The following DDR2 variants were observed in gnomAD, a reference collection of about 807,000 sequenced individuals.
DDR2 encodes discoidin domain receptor tyrosine kinase 2.
A neutral mutation model predicts 94.9 loss-of-function variants in DDR2; 27 were observed. That is an observed-to-expected ratio of 0.28 (90% CI 0.21 to 0.39). The LOEUF (loss-of-function observed/expected upper bound fraction) is 0.39, where lower values mean the gene tolerates loss of function less well. DDR2 is among the 10% of genes least tolerant of loss of function. The pLI is 1.00. For missense variants in DDR2, 783 were observed against 1,076.0 expected (o/e 0.73, Z 3.81); for synonymous variants, 382 against 377.2 (o/e 1.01, Z -0.15).
At chr1:162,642,530 T>C (rs1267337484) in intron 1 of DDR2, among the ~76,000 whole-genome samples, 1 of 151,452 alleles carries the variant, frequency 6.6e-6, no homozygotes, top group Non-Finnish European at 1.5e-5. Context: ...CCTCAGGTGA[T>C]CTACCCGCCT....
chr1:162,744,304 C>G (rs1054109548), intron 3 of DDR2, among the ~76,000 whole-genome samples: 2 of 152,148 alleles, frequency 1.3e-5, no homozygotes, highest in Non-Finnish European at 2.9e-5. Flanking sequence ...ATATGAATTC[C>G]TCATTTCCCT....
rs1163144709 is a variant in DDR2, at chr1:162,754,491, G to A, written c.186-133G>A. ...TACTGTGGTGGCAGTGAAAACTGTG[G>A]CAAGAACCCAAAATGTTTATAAGGA... On this transcript the variant is annotated intron_variant, in intron 4 of 17. Transcript: ENST00000367921. 3.4e-6 allele frequency: 3 copies of A among 870,560 alleles called. No homozygotes were observed. The African/African-American group carries it at 5.0e-5, about 14-fold the overall frequency. 53.9% of individuals were successfully genotyped at this position (870,560 alleles called of 1,614,324 possible).
chr1:162,724,018 G>A (rs893979244), intron 3 of DDR2, among the ~76,000 whole-genome samples: 7 of 152,190 alleles, frequency 4.6e-5, no homozygotes, highest in Admixed American at 4.6e-4. Context: ...CCACATGTCA[G>A]TGAGTTCTTA....
intron 2 of DDR2, among the ~76,000 whole-genome samples, chr1:162,696,775 G>A (rs1477838973): frequency 6.6e-6 from 1 of 152,034 alleles, no homozygotes; most frequent in Non-Finnish European, 1.5e-5. Context: ...ATCAGAGGCA[G>A]CTTGTGCCTC....
chr1:162,659,525 T>A (rs894852964), intron 2 of DDR2, among the ~76,000 whole-genome samples: 3 of 152,012 alleles, frequency 2.0e-5, no homozygotes, highest in African/African-American at 7.3e-5. Flanking sequence ...TGGTGGAAGA[T>A]AATACTGGAA....
chr1:162,732,324 C>G (rs1344274915), intron 3 of DDR2, among the ~76,000 whole-genome samples: 1 of 152,196 alleles, frequency 6.6e-6, no homozygotes, highest in Non-Finnish European at 1.5e-5. Flanking sequence ...CTGAAACAGC[C>G]TGCTCTGTGA....
At chr1:162,712,102 C>G (rs546647080) in intron 2 of DDR2, among the ~76,000 whole-genome samples, 3 of 151,690 alleles carry the variant, frequency 2.0e-5, no homozygotes, top group African/African-American at 7.3e-5. Context: ...ACCATCCTAT[C>G]TGAGCACTAG....
rs951289911 is a variant in DDR2 at position 162,658,039 on chromosome 1, C to T, written c.-28+2665C>T. Among the ~76,000 whole-genome samples, 10 of 152,226 alleles carry T rather than the reference C, an allele frequency of 6.6e-5. No homozygotes were observed. In the East Asian group the frequency reaches 1.9e-3, roughly 29 times the overall value. Reference sequence around the variant, plus strand: ...TGGCTCTTCCAAAATCACTGGAGGGCAGCTCAAAAGAGCAACTCTGCCAAT... The same window carrying T: ...TGGCTCTTCCAAAATCACTGGAGGGTAGCTCAAAAGAGCAACTCTGCCAAT... On this transcript the variant is annotated intron_variant, in intron 2 of 17. Coordinates refer to ENST00000367921, the MANE Select transcript of DDR2 (RefSeq NM_006182.4).
chr1:162,697,947 A>C (rs1039007297), intron 2 of DDR2, among the ~76,000 whole-genome samples: 2 of 152,216 alleles, frequency 1.3e-5, no homozygotes, highest in Non-Finnish European at 2.9e-5. Flanking sequence ...GTGATAGTAG[A>C]AGTAGATGGG....
At chr1:162,722,741 G>C (rs754760791) in intron 3 of DDR2, among the ~76,000 whole-genome samples, 1 of 152,136 alleles carries the variant, frequency 6.6e-6, no homozygotes, top group Non-Finnish European at 1.5e-5. Context: ...GAGTTGTTAC[G>C]TGTCTCTTTA....
At chr1:162,660,142 T>C (rs1414483854) in intron 2 of DDR2, among the ~76,000 whole-genome samples, 1 of 152,202 alleles carries the variant, frequency 6.6e-6, no homozygotes, top group Non-Finnish European at 1.5e-5. Context: ...GTCTCTCTTC[T>C]AGACTTTCAT....
At chr1:162,699,128 C>G (rs1301283122) in intron 2 of DDR2, among the ~76,000 whole-genome samples, 1 of 152,220 alleles carries the variant, frequency 6.6e-6, no homozygotes, top group Non-Finnish European at 1.5e-5. Flanking sequence ...TACACCAGTG[C>G]TCCCTGATGC....
chr1:162,763,843 A>T (rs1372998634), intron 9 of DDR2, among the ~76,000 whole-genome samples: 1 of 152,200 alleles, frequency 6.6e-6, no homozygotes, highest in African/African-American at 2.4e-5. Context: ...TTTTATTTAA[A>T]GTTGATTTTA....
chr1:162,736,787 T>C (rs915035397), intron 3 of DDR2, among the ~76,000 whole-genome samples: 6 of 152,352 alleles, frequency 3.9e-5, no homozygotes, highest in East Asian at 1.9e-4. Context: ...TCACTTCTCT[T>C]TTCTCAACTC....
chr1:162,706,385 C>T (rs1660663053), intron 2 of DDR2, among the ~76,000 whole-genome samples: 1 of 152,206 alleles, frequency 6.6e-6, no homozygotes, highest in Non-Finnish European at 1.5e-5. Context: ...CATATGTGTT[C>T]ATATCCTCAA....
chr1:162,648,043 C>T (rs1161104354), intron 1 of DDR2, among the ~76,000 whole-genome samples: 1 of 110,194 alleles, frequency 9.1e-6, no homozygotes, highest in Non-Finnish European at 1.8e-5. Context: ...CTGTATTTAG[C>T]AAGAGGTTTT....
At chr1:162,744,728 A>G (rs1048575404) in intron 3 of DDR2, among the ~76,000 whole-genome samples, 21 of 150,766 alleles carry the variant, frequency 1.4e-4, no homozygotes, top group Admixed American at 3.3e-4. Context: ...GGTGTATCCC[A>G]CATTTTCTGT....
At chr1:162,764,021 C>A (rs190567201) in intron 9 of DDR2, among the ~76,000 whole-genome samples, 2 of 152,160 alleles carry the variant, frequency 1.3e-5, no homozygotes, top group African/African-American at 4.8e-5. Flanking sequence ...GAGAATATAT[C>A]CTACTAAGAA....
In DDR2 at chr1:162,761,402, A is replaced by G; in HGVS notation, c.1047A>G (p.Gln349=). Residue 349 remains glutamine (Q), a synonymous_variant, in exon 9 of 18, where the codon CAA becomes CAG. Coordinates refer to ENST00000367921, the MANE Select transcript of DDR2 (RefSeq NM_006182.4). ...GAATGGCCAGTGCCATCAAGTGTCA[A>G]TACCATTTTGCAGATACCTGGATGA... is the stretch of plus-strand genomic sequence containing the variant. ...HHRMASAIKC[Q]YHFADTWMMF... 1 of 1,614,196 alleles carries G rather than the reference A, an allele frequency of 6.2e-7. No individual in the cohort carries two copies. Among genetic ancestry groups the G allele is most frequent in the Non-Finnish European group, 8.5e-7 (1 of 1,180,028 alleles).
Sources: allele counts gnomAD v4.1 joint callset (sites outside exome capture counted in the v4.1 genomes callset), GRCh38; gene constraint gnomAD v4.1.1; transcripts MANE v1.5; gene names NCBI Gene and HGNC (gene_info 2026-07-23, HGNC 2026-07-21).